Variants in BCKDHB observed in about 807,000 individuals in gnomAD.
BCKDHB encodes branched chain keto acid dehydrogenase E1 subunit beta.
A neutral mutation model predicts 48.5 loss-of-function variants in BCKDHB; 41 were observed. The ratio of observed to expected loss-of-function variants is 0.85; its 90% CI spans 0.66 to 1.10. The LOEUF is 1.10. Among genes scored for constraint, BCKDHB ranks in the 50% least tolerant of loss-of-function variants. BCKDHB has a pLI of 0.00. For missense variants in BCKDHB, 496 were observed against 494.2 expected (o/e 1.00, Z -0.03); for synonymous variants, 201 against 174.8 (o/e 1.15, Z -1.18).
At chr6:80,123,263 C>G (rs144163099) in intron 1 of BCKDHB, among the ~76,000 whole-genome samples, 1 of 152,182 alleles carries the variant, frequency 6.6e-6, no homozygotes, top group East Asian at 1.9e-4. Context: ...ACAATTATCA[C>G]AGTGGTCCTG....
At chr6:80,445,168 G>T in the BCKDHB span, among the ~76,000 whole-genome samples, 1 of 152,058 alleles carries the variant, frequency 6.6e-6, no homozygotes, top group Non-Finnish European at 1.5e-5. Flanking sequence ...TTCTGACTGG[G>T]CTACAGTGTT....
At chr6:80,284,831 C>T (rs1766549575) in intron 9 of BCKDHB, among the ~76,000 whole-genome samples, 1 of 152,058 alleles carries the variant, frequency 6.6e-6, no homozygotes, top group Non-Finnish European at 1.5e-5. Context: ...TTAATTGTAA[C>T]ACATTTTCAT....
chr6:80,203,181 T>C lies in BCKDHB; in HGVS notation c.920T>C (p.Ile307Thr), dbSNP rs1774479474. 11 of 1,611,202 alleles carry C rather than the reference T, an allele frequency of 6.8e-6. No individual in the cohort carries two copies. Among genetic ancestry groups the C allele is most frequent in the Non-Finnish European group, 9.3e-6 (11 of 1,177,658 alleles). Residue 307 changes from isoleucine (I) to threonine (T), a missense_variant, in exon 8 of 10, where the codon ATA becomes ACA. Transcript: ENST00000320393. The stretch of plus-strand genomic sequence containing the variant: ...TGTGAAGTCATTGATCTGAGGACTA[T>C]AATACCTTGGGATGTGGACACAATT... ...VSCEVIDLRTIIPWDVDTICK... is the reference protein window; with the variant it reads ...VSCEVIDLRTTIPWDVDTICK...
chr6:80,252,959 C>A lies in BCKDHB; in HGVS notation c.952-20176C>A, dbSNP rs567455174. On this transcript the variant is annotated intron_variant, in intron 8 of 9. Coordinates refer to ENST00000320393, the MANE Select transcript of BCKDHB (RefSeq NM_183050.4). ...TCAGCATCATAATGATTATCATCAT[C>A]CCCATCACCACTGTTATCATAATCA... Among the ~76,000 whole-genome samples, 421 of 152,308 alleles carry A rather than the reference C, an allele frequency of 2.8e-3. 3 individuals carry two copies. Among genetic ancestry groups the A allele is most frequent in the African/African-American group, 9.6e-3 (397 of 41,560 alleles).
chr6:80,228,033 A>G lies in BCKDHB; in HGVS notation c.951+24821A>G, dbSNP rs547407105. On this transcript the variant is annotated intron_variant, in intron 8 of 9. Transcript: ENST00000320393. ...CTGAGCATACAGCAACAGTCTTCCAAATAACTTATAATAAATAAAGTATGT... is the reference window on the plus strand; with the variant it reads ...CTGAGCATACAGCAACAGTCTTCCAGATAACTTATAATAAATAAAGTATGT... Among the ~76,000 whole-genome samples, 154 of 152,350 alleles carry G rather than the reference A, an allele frequency of 1.0e-3. 1 individual carries two copies. Among genetic ancestry groups the G allele is most frequent in the African/African-American group, 3.5e-3 (147 of 41,566 alleles).
At chr6:80,182,421 T>A (rs1562116084) in intron 6 of BCKDHB, among the ~76,000 whole-genome samples, 1 of 152,234 alleles carries the variant, frequency 6.6e-6, no homozygotes, top group Non-Finnish European at 1.5e-5. Flanking sequence ...AGCAGATATC[T>A]ATTTTTGATC....
chr6:80,370,795 CGTG>C, the BCKDHB span, among the ~76,000 whole-genome samples: 3 of 87,774 alleles, frequency 3.4e-5, no homozygotes, highest in African/African-American at 1.4e-4. Flanking sequence ...GTATATATAG[CGTG>C]TGTGTGTGTG....
the BCKDHB span, among the ~76,000 whole-genome samples, chr6:80,394,645 G>C: frequency 5.3e-5 from 8 of 152,134 alleles, no homozygotes; most frequent in African/African-American, 1.9e-4. Context: ...ATTAACTAAA[G>C]TTTAATTGGA....
chr6:80,113,778 T>C (rs1449753835), intron 1 of BCKDHB, among the ~76,000 whole-genome samples: 2 of 151,982 alleles, frequency 1.3e-5, no homozygotes, highest in African/African-American at 4.8e-5. Context: ...CTCCACAGGG[T>C]GGGAGCCGGC....
rs185307510 is a variant in BCKDHB, at chr6:80,327,007, C to G, written c.1039-16657C>G. Among the ~76,000 whole-genome samples, 4 of 152,136 alleles carry G rather than the reference C, an allele frequency of 2.6e-5. No homozygotes were observed. The East Asian group carries it at 7.7e-4, about 29-fold the overall frequency. On this transcript the variant is annotated intron_variant, in intron 9 of 9. Transcript: ENST00000320393. ...CTCATATATATGCCTTCTTTGTTAT[C>G]GTAAGATTCAGATTAGCAAGGTACT...
the BCKDHB span, among the ~76,000 whole-genome samples, chr6:80,402,754 T>G: frequency 1.3e-5 from 2 of 151,934 alleles, no homozygotes; most frequent in African/African-American, 4.8e-5. Flanking sequence ...AATTAAGTCT[T>G]TAATCCATTT....
chr6:80,404,611 G>T, the BCKDHB span, among the ~76,000 whole-genome samples: 1 of 151,856 alleles, frequency 6.6e-6, no homozygotes, highest in South Asian at 2.1e-4. Context: ...CTAATTGTGA[G>T]CTTAGTTTGT....
chr6:80,358,769 G>A, the BCKDHB span, among the ~76,000 whole-genome samples: 1 of 152,176 alleles, frequency 6.6e-6, no homozygotes. Context: ...GTTTTACTTT[G>A]TAGCGATGGG....
the BCKDHB span, among the ~76,000 whole-genome samples, chr6:80,415,335 C>T: frequency 5.9e-5 from 9 of 151,742 alleles, no homozygotes; most frequent in South Asian, 8.3e-4. Flanking sequence ...CCTCATCTTA[C>T]CTTGAAAGTC....
intron 9 of BCKDHB, among the ~76,000 whole-genome samples, chr6:80,326,393 A>T (rs112128818): frequency 1.1e-4 from 17 of 152,232 alleles, no homozygotes; most frequent in African/African-American, 4.1e-4. Flanking sequence ...GACCTATGAA[A>T]TTCTGTTTTA....
chr6:80,291,107 G>T (rs188346955), intron 9 of BCKDHB, among the ~76,000 whole-genome samples: 1 of 152,124 alleles, frequency 6.6e-6, no homozygotes, highest in African/African-American at 2.4e-5. Flanking sequence ...ATGCCTAACT[G>T]TCTGGGAATG....
At chr6:80,299,893 A>G (rs747763558) in intron 9 of BCKDHB, among the ~76,000 whole-genome samples, 10 of 152,198 alleles carry the variant, frequency 6.6e-5, no homozygotes, top group Non-Finnish European at 1.3e-4. Context: ...CCACACTTAA[A>G]AGAGACACAG....
the BCKDHB span, among the ~76,000 whole-genome samples, chr6:80,464,493 T>A: frequency 2.0e-5 from 3 of 152,280 alleles, no homozygotes; most frequent in African/African-American, 7.2e-5. Flanking sequence ...AAATTTTAAA[T>A]TAGTAACTTC....
At chr6:80,110,063 A>G (rs185378201) in intron 1 of BCKDHB, among the ~76,000 whole-genome samples, 40 of 152,312 alleles carry the variant, frequency 2.6e-4, no homozygotes, top group Non-Finnish European at 4.4e-4. Context: ...GGTTGTTTTG[A>G]CATATAAAAG....
Sources: gnomAD v4.1 joint callset for allele counts (sites outside exome capture counted in the v4.1 genomes callset) on GRCh38, gnomAD v4.1.1 for gene constraint, MANE v1.5 for transcripts, NCBI Gene and HGNC (gene_info 2026-07-23, HGNC 2026-07-21) for gene names.